Variants in SGCZ observed in about 807,000 individuals in gnomAD.
The protein encoded by SGCZ is sarcoglycan zeta.
Under a neutral mutation model 41.3 loss-of-function variants are expected in SGCZ, and 40 were observed. The ratio of observed to expected loss-of-function variants is 0.97; its 90% confidence interval spans 0.75 to 1.26. The LOEUF is 1.26. SGCZ is among the 50% of genes most tolerant of loss of function. The pLI is 0.00. For missense variants in SGCZ, 552 were observed against 369.8 expected (o/e 1.49, Z -4.04); for synonymous variants, 206 against 137.5 (o/e 1.50, Z -3.49).
chr8:14,985,329 C>T (rs549839289), intron 1 of SGCZ, among the ~76,000 whole-genome samples: 39 of 152,096 alleles, frequency 2.6e-4, no homozygotes, highest in African/African-American at 8.4e-4. Flanking sequence ...TCTCATGCCC[C>T]GTTTTATACA....
Position 14,440,262 on chromosome 8 carries a change from G to C in SGCZ, c.234+114470C>G, listed in dbSNP as rs577223651. 2.0e-5 allele frequency among the ~76,000 whole-genome samples: 3 copies of C among 151,692 alleles called. 1 individual carries two copies. In the South Asian group the frequency reaches 6.3e-4, roughly 32 times the overall value. On this transcript the variant is annotated intron_variant, in intron 2 of 7. Coordinates refer to ENST00000382080, the MANE Select transcript of SGCZ (RefSeq NM_139167.4). ...ATATAAAAGAGCTCTATTTGACTTG[G>C]GAAAAATTAAGTGCTTCAACAAAAT...
chr8:14,867,858 C>A (rs978691245), intron 1 of SGCZ, among the ~76,000 whole-genome samples: 13 of 151,646 alleles, frequency 8.6e-5, no homozygotes, highest in African/African-American at 2.9e-4. Flanking sequence ...TACAACAAAC[C>A]CCCATGACAC....
chr8:14,467,526 T>TTGAGGGCTC (rs1801086280), intron 2 of SGCZ, among the ~76,000 whole-genome samples: 1 of 152,094 alleles, frequency 6.6e-6, no homozygotes, highest in Non-Finnish European at 1.5e-5. Context: ...CTGTCATGTG[T>TTGAGGGCTC]TGAGGGCTCT....
intron 1 of SGCZ, among the ~76,000 whole-genome samples, chr8:14,710,019 T>C (rs570959904): frequency 6.6e-6 from 1 of 152,084 alleles, no homozygotes; most frequent in African/African-American, 2.4e-5. Flanking sequence ...TCCATTAAGC[T>C]CCCTTCTGTC....
intron 5 of SGCZ, among the ~76,000 whole-genome samples, chr8:14,137,014 G>C (rs1182976777): frequency 3.9e-5 from 6 of 152,168 alleles, no homozygotes; most frequent in Non-Finnish European, 7.4e-5. Flanking sequence ...GCCTCTACTG[G>C]TGATACCAAG....
At chr8:15,203,773 T>C (rs542105502) in intron 1 of SGCZ, among the ~76,000 whole-genome samples, 2 of 152,282 alleles carry the variant, frequency 1.3e-5, no homozygotes, top group African/African-American at 4.8e-5. Flanking sequence ...ATAACCTCCT[T>C]GTCCATCAAA....
intron 1 of SGCZ, among the ~76,000 whole-genome samples, chr8:14,611,664 G>A (rs542329922): frequency 7.9e-5 from 12 of 151,932 alleles, no homozygotes; most frequent in South Asian, 2.1e-4. Context: ...CTCCAATATA[G>A]AAAAAATTGC....
intron 3 of SGCZ, among the ~76,000 whole-genome samples, chr8:14,295,515 T>G (rs952383611): frequency 3.9e-4 from 60 of 152,316 alleles, no homozygotes; most frequent in African/African-American, 1.3e-3. Context: ...AGTAAGAAAT[T>G]TTAAAATAGT....
chr8:14,178,909 G>A (rs573066301), intron 4 of SGCZ, among the ~76,000 whole-genome samples: 20 of 152,206 alleles, frequency 1.3e-4, no homozygotes, highest in Non-Finnish European at 2.1e-4. Context: ...AAAGGGTTAC[G>A]ACATGAGGCA....
At chr8:15,053,576 G>A (rs1410697742) in intron 1 of SGCZ, among the ~76,000 whole-genome samples, 2 of 151,942 alleles carry the variant, frequency 1.3e-5, no homozygotes, top group Non-Finnish European at 2.9e-5. Flanking sequence ...GGTGAAAAAC[G>A]ATATATCCCA....
rs537196377 is a variant in SGCZ, at chr8:15,236,439, T to TG, written c.39+1145dup. On this transcript the variant is annotated intron_variant, in intron 1 of 7. Transcript: ENST00000382080. ...CTCTATTCGTCGTTTCTCCAGCGGGTGGGGGGGTGCCTAAACATTCTCACT... is the reference window on the plus strand; with the variant it reads ...CTCTATTCGTCGTTTCTCCAGCGGGTGGGGGGGGTGCCTAAACATTCTCACT... 3.2e-3 allele frequency among the ~76,000 whole-genome samples: 477 copies of TG among 150,476 alleles called. 4 individuals are homozygous for TG. The highest frequency in any genetic ancestry group is 0.01 in the African/African-American group (420 of 40,184).
intron 1 of SGCZ, among the ~76,000 whole-genome samples, chr8:15,232,483 A>G (rs1801975368): frequency 6.6e-6 from 1 of 151,808 alleles, no homozygotes; most frequent in South Asian, 2.1e-4. Context: ...CCACAAATGT[A>G]TTTTTCTTAA....
chr8:14,115,545 C>T (rs754320677), intron 5 of SGCZ, among the ~76,000 whole-genome samples: 3 of 151,924 alleles, frequency 2.0e-5, no homozygotes, highest in Admixed American at 6.6e-5. Flanking sequence ...AAGCTTTCAA[C>T]GTACTTAATC....
chr8:15,141,181 T>C (rs1007313721), intron 1 of SGCZ, among the ~76,000 whole-genome samples: 1 of 152,250 alleles, frequency 6.6e-6, no homozygotes, highest in African/African-American at 2.4e-5. Context: ...ATTAACCAAT[T>C]TGAAATTCAA....
intron 3 of SGCZ, among the ~76,000 whole-genome samples, chr8:14,279,328 A>G (rs1159795587): frequency 6.6e-6 from 1 of 152,094 alleles, no homozygotes; most frequent in Non-Finnish European, 1.5e-5. Context: ...CATTAAAACA[A>G]TGCAACTACA....
At chr8:14,259,488 T>C (rs941975480) in intron 3 of SGCZ, among the ~76,000 whole-genome samples, 6 of 149,620 alleles carry the variant, frequency 4.0e-5, no homozygotes, top group Non-Finnish European at 7.4e-5. Flanking sequence ...GATTTTTGTA[T>C]AAGGTGTAAG....
At chr8:14,183,432 C>T (rs1563172006) in intron 4 of SGCZ, among the ~76,000 whole-genome samples, 1 of 152,044 alleles carries the variant, frequency 6.6e-6, no homozygotes, top group East Asian at 1.9e-4. Flanking sequence ...CCACAAAACT[C>T]AACAGAGATA....
chr8:14,912,909 C>G (rs1210807381), intron 1 of SGCZ, among the ~76,000 whole-genome samples: 2 of 152,054 alleles, frequency 1.3e-5, no homozygotes, highest in East Asian at 1.9e-4. Flanking sequence ...AAAGAAAAGA[C>G]TAACACTCCA....
chr8:14,975,577 G>T (rs917458931), intron 1 of SGCZ, among the ~76,000 whole-genome samples: 1 of 151,824 alleles, frequency 6.6e-6, no homozygotes, highest in African/African-American at 2.4e-5. Context: ...TCTTAACACG[G>T]GATTTTCAGC....
Sources: gnomAD v4.1 joint callset for allele counts (sites outside exome capture counted in the v4.1 genomes callset) on GRCh38, gnomAD v4.1.1 for gene constraint, MANE v1.5 for transcripts, NCBI Gene and HGNC (gene_info 2026-07-23, HGNC 2026-07-21) for gene names.